The following USP40 variants were observed in gnomAD, a reference collection of about 807,000 sequenced individuals.
The protein encoded by USP40 is ubiquitin carboxyl-terminal hydrolase 40.
USP40 carries 143 observed loss-of-function variants against 166.2 expected under a neutral mutation model. That is an observed-to-expected ratio of 0.86 (90% CI 0.75 to 0.99). USP40 has a LOEUF of 0.99. Ranked by LOEUF, USP40 falls within the 50% of genes least tolerant of loss-of-function variation. USP40 has a pLI of 0.00. For synonymous variants in USP40, 498 were observed against 524.0 expected (o/e 0.95, Z 0.68); for missense variants, 1,444 against 1,479.7 (o/e 0.98, Z 0.40).
chr2:233,500,804 C>T (rs2125111244), intron 21 of USP40, among the ~76,000 whole-genome samples: 1 of 152,234 alleles, frequency 6.6e-6, no homozygotes, highest in Admixed American at 6.5e-5. Flanking sequence ...ATCACAGAAG[C>T]AAAGCACACT....
At chr2:233,483,588 TG>T in intron 30 of USP40, among the ~76,000 whole-genome samples, 1 of 152,348 alleles carries the variant, frequency 6.6e-6, no homozygotes, top group South Asian at 2.1e-4. Flanking sequence ...AGTCTTCAAC[TG>T]GATTGCCTGT....
chr2:233,533,175 G>T (rs2068676025), intron 11 of USP40, among the ~76,000 whole-genome samples: 1 of 152,046 alleles, frequency 6.6e-6, no homozygotes, highest in Non-Finnish European at 1.5e-5. Context: ...TGAGCATATG[G>T]CAATCGCACT....
chr2:233,533,986 T>C (rs1408782197), intron 10 of USP40, among the ~76,000 whole-genome samples: 3 of 152,204 alleles, frequency 2.0e-5, no homozygotes, highest in Non-Finnish European at 4.4e-5. Flanking sequence ...GATAGTGACA[T>C]CCAGGGAGGA....
At position 233,551,182 on chromosome 2, in the gene USP40, A is replaced by T. The variant is rs2070519436; in HGVS notation, c.837+194T>A. The stretch of plus-strand genomic sequence containing the variant: ...AGTGAGGCTGCTACTGTCATCCAGT[A>T]GGTAGAGGGCAGGGATGCTGCTAAA... On this transcript the variant is annotated intron_variant, in intron 7 of 31. Coordinates refer to ENST00000678225, the MANE Select transcript of USP40 (RefSeq NM_001365479.2). 2.0e-5 allele frequency among the ~76,000 whole-genome samples: 3 copies of T among 152,208 alleles called. 1 individual carries two copies. The East Asian group carries it at 5.8e-4, about 29-fold the overall frequency.
At chr2:233,513,971 G>C (rs753507631) in intron 18 of USP40, among the ~76,000 whole-genome samples, 1 of 152,154 alleles carries the variant, frequency 6.6e-6, no homozygotes, top group Non-Finnish European at 1.5e-5. Flanking sequence ...TCAATATCTT[G>C]TATTACAGTA....
chr2:233,481,502 A>T (rs990598301), intron 30 of USP40: 1 of 572,338 alleles, frequency 1.7e-6, no homozygotes, highest in Non-Finnish European at 3.1e-6. Flanking sequence ...AAGGGAAATT[A>T]ATTTCCAGCC....
At chr2:233,552,064 G>C (rs542227759) in intron 6 of USP40, among the ~76,000 whole-genome samples, 1 of 152,036 alleles carries the variant, frequency 6.6e-6, no homozygotes, top group Non-Finnish European at 1.5e-5. Context: ...CTTTTTAAGA[G>C]TATCAGCTGT....
At position 233,510,051 on chromosome 2, in the gene USP40, C is replaced by T. The variant is rs1464410402; in HGVS notation, c.2611G>A (p.Asp871Asn). The T allele has an allele frequency of 1.9e-6, 3 of 1,582,614 alleles. No individual in the cohort carries two copies. The highest frequency in any genetic ancestry group is 2.3e-5 in the East Asian group (1 of 43,842). ...AAACAAAAGGTAAAATTACTTACAT[C>T]TCTCACAGATATTGTTTCTTCTACT... The part of the protein sequence containing the change: ...IVVEETISVR[D>N]CLKLMLKKSG... The change falls in exon 21 of 32, where the codon GAT (aspartate) becomes AAT (asparagine). Residue 871 changes from aspartate (D) to asparagine (N), a missense_variant and splice_region_variant. By Grantham distance (23) the Asp-to-Asn change is conservative (BLOSUM62 1). Coordinates refer to ENST00000678225, the MANE Select transcript of USP40 (RefSeq NM_001365479.2).
At chr2:233,547,103 C>G (rs550802984) in intron 8 of USP40, 1 of 152,266 alleles carries the variant, frequency 6.6e-6, no homozygotes, top group African/African-American at 2.4e-5. Context: ...AGGATTTGGA[C>G]AGGTAAAACA....
intron 8 of USP40, chr2:233,545,782 G>T (rs1380835854): frequency 9.0e-6 from 2 of 222,230 alleles, no homozygotes; most frequent in Non-Finnish European, 1.9e-5. Context: ...TTGCTGAACT[G>T]TAAGTGGAAA....
At chr2:233,510,952 T>C (rs1349021617) in intron 20 of USP40, among the ~76,000 whole-genome samples, 1 of 152,172 alleles carries the variant, frequency 6.6e-6, no homozygotes, top group South Asian at 2.1e-4. Flanking sequence ...CTTGTCATGT[T>C]TTCCCTCCTA....
At chr2:233,481,024 G>A in intron 31 of USP40, among the ~76,000 whole-genome samples, 179 bp downstream of exon 31, 1 of 152,208 alleles carries the variant, frequency 6.6e-6, no homozygotes, top group East Asian at 1.9e-4. Flanking sequence ...AGCTCCAGGA[G>A]GAGGCACTCA....
chr2:233,527,784 T>C (rs895289692), intron 12 of USP40, among the ~76,000 whole-genome samples: 1 of 152,190 alleles, frequency 6.6e-6, no homozygotes, highest in African/African-American at 2.4e-5. Context: ...AAGAGAAAAC[T>C]GTTTTAACAT....
chr2:233,512,603 T>A lies in USP40; in HGVS notation c.2403A>T (p.Arg801Ser). 2 of 1,578,016 alleles carry A rather than the reference T, an allele frequency of 1.3e-6. No homozygotes were observed. The highest frequency in any genetic ancestry group is 1.7e-6 in the Non-Finnish European group (2 of 1,163,330). Residue 801 changes from arginine (R) to serine (S), a missense_variant, in exon 19 of 32, where the codon AGA becomes AGT. By Grantham distance (110) the Arg-to-Ser change is moderately radical (BLOSUM62 -1). Transcript: ENST00000678225. ...GAAGCTTCCCATTTCTATCAATAGGTCTCAAACAGCTGTTGTCAGCTATAT... is the reference window on the plus strand; with the variant it reads ...GAAGCTTCCCATTTCTATCAATAGGACTCAAACAGCTGTTGTCAGCTATAT... ...MKELADNSCL[R>S]PIDRNGKLLC... is the part of the protein sequence containing the mutation.
intron 30 of USP40, among the ~76,000 whole-genome samples, chr2:233,481,816 G>T (rs554198545): frequency 2.0e-5 from 3 of 152,316 alleles, no homozygotes; most frequent in African/African-American, 7.2e-5. Flanking sequence ...TCCCGTGACT[G>T]GGCAAGCCTC....
chr2:233,525,433 T>A (rs762328090), intron 14 of USP40, 45 bp downstream of exon 14: 2 of 1,473,874 alleles, frequency 1.4e-6, no homozygotes, highest in Admixed American at 1.8e-5. Context: ...CGGACAAAAA[T>A]GTAGATATAT....
At chr2:233,530,097 G>C (rs1023957309) in intron 11 of USP40, among the ~76,000 whole-genome samples, 2 of 151,956 alleles carry the variant, frequency 1.3e-5, no homozygotes, top group Admixed American at 1.3e-4. Flanking sequence ...ACCACGCCTG[G>C]CCTCAGATTT....
intron 7 of USP40, among the ~76,000 whole-genome samples, chr2:233,551,030 A>T (rs2070501534): frequency 6.6e-6 from 1 of 152,248 alleles, no homozygotes. Flanking sequence ...ATACTTTGGA[A>T]ATTCAAAATG....
intron 6 of USP40, among the ~76,000 whole-genome samples, chr2:233,553,271 A>T (rs923214744): frequency 6.6e-6 from 1 of 152,240 alleles, no homozygotes; most frequent in Admixed American, 6.5e-5. Flanking sequence ...ATTAAAGAAC[A>T]ATTCCATAGT....
Sources: gnomAD v4.1 joint callset for allele counts (sites outside exome capture counted in the v4.1 genomes callset) on GRCh38, gnomAD v4.1.1 for gene constraint, MANE v1.5 for transcripts, NCBI Gene and HGNC (gene_info 2026-07-23, HGNC 2026-07-21) for gene names.